Variants in NSD2 observed in about 807,000 individuals in gnomAD.
NSD2 encodes the protein histone-lysine N-methyltransferase NSD2.
In NSD2, 12 loss-of-function variants were observed where a neutral mutation model predicts 139.0. The observed-to-expected ratio is 0.09, with a 90% CI of 0.06 to 0.14. The LOEUF (loss-of-function observed/expected upper bound fraction) is 0.14, where lower values mean the gene tolerates loss of function less well. Among genes scored for constraint, NSD2 ranks in the 10% least tolerant of loss-of-function variants. The probability of loss-of-function intolerance (pLI) is 1.00; values close to 1 mark genes in which losing one functional copy is unlikely to be tolerated. For missense variants in NSD2, 1,155 were observed against 1,745.0 expected (o/e 0.66, Z 6.02); for synonymous variants, 669 against 648.7 (o/e 1.03, Z -0.48).
At chr4:1,883,694 C>T (rs758163273) in intron 1 of NSD2, among the ~76,000 whole-genome samples, 5 of 152,086 alleles carry the variant, frequency 3.3e-5, no homozygotes, top group Non-Finnish European at 7.4e-5. Flanking sequence ...TTGTTGTCCC[C>T]ATCTGCTCTC....
intron 8 of NSD2, 57 bp downstream of exon 8, chr4:1,938,589 T>TGGGGGGGG: frequency 1.9e-6 from 1 of 537,354 alleles, no homozygotes; most frequent in Non-Finnish European, 3.5e-6. Flanking sequence ...CTGGGCTGGG[T>TGGGGGGGG]GGGTGGGCTG....
In NSD2 at chr4:1,976,357, T is replaced by C; in HGVS notation, c.3622-118T>C. ...GGAGGACACTCCTCTCCTCTCCTCTTAGTGTTGGGCACCTGCAGAGATCTC... is the reference window on the plus strand; with the variant it reads ...GGAGGACACTCCTCTCCTCTCCTCTCAGTGTTGGGCACCTGCAGAGATCTC... On this transcript the variant is annotated intron_variant, in intron 20 of 21. Coordinates refer to ENST00000508803, the MANE Select transcript of NSD2 (RefSeq NM_001042424.3). This position sits in a 1 kb window ranked among gnomAD's most constrained non-coding sequence, Gnocchi z 5.3. 2.7e-6 allele frequency: 3 copies of C among 1,096,424 alleles called. No individual in the cohort carries two copies. Among genetic ancestry groups the C allele is most frequent in the Non-Finnish European group, 4.0e-6 (3 of 753,502 alleles). 67.9% of individuals were successfully genotyped at this position (1,096,424 alleles called of 1,614,324 possible).
intron 21 of NSD2, among the ~76,000 whole-genome samples, chr4:1,978,291 C>T (rs1377860055): frequency 6.6e-6 from 1 of 152,128 alleles, no homozygotes; most frequent in East Asian, 1.9e-4. Flanking sequence ...GAAAATCAGT[C>T]CCTTGGGAGA....
chr4:1,906,654 CTTTTTTTT>C lies in NSD2; in HGVS notation c.760+2293_760+2300del, dbSNP rs537619996. Among the ~76,000 whole-genome samples the C allele has an allele frequency of 2.7e-3, 265 of 99,952 alleles. 2 individuals carry two copies. The highest frequency in any genetic ancestry group is 4.2e-3 in the Non-Finnish European group (220 of 51,826). 65.6% of individuals were successfully genotyped at this position (99,952 alleles called of 152,430 possible). ...GCCATTTTTACTTCTCTCTCTCTCTCTTTTTTTTTTTTTTTTTTTTTTTTGAGACACAG... is the reference window on the plus strand; with the variant it reads ...GCCATTTTTACTTCTCTCTCTCTCTCTTTTTTTTTTTTTTTTGAGACACAG... On this transcript the variant is annotated intron_variant, in intron 3 of 21. Transcript: ENST00000508803.
chr4:1,972,312 A>AAGG lies in NSD2; in HGVS notation c.3373-2548_3373-2546dup, dbSNP rs1229253723. ...GGTACAGGCTATGTCTCAGCTGGGA[A>AAGG]AGGAGAGGCTGTGAGGGTGGAAATC... is the stretch of plus-strand genomic sequence containing the variant. On this transcript the variant is annotated intron_variant, in intron 18 of 21. Coordinates refer to ENST00000508803, the MANE Select transcript of NSD2 (RefSeq NM_001042424.3). The surrounding 1 kb of genome is among the most constrained non-coding windows in gnomAD (Gnocchi z 4.0). Among the ~76,000 whole-genome samples, 1 of 152,232 alleles carries AAGG rather than the reference A, an allele frequency of 6.6e-6. No individual in the cohort carries two copies. Among genetic ancestry groups the AAGG allele is most frequent in the Non-Finnish European group, 1.5e-5 (1 of 68,038 alleles).
At chr4:1,924,885 C>T (rs559173206) in intron 5 of NSD2, among the ~76,000 whole-genome samples, 2 of 152,282 alleles carry the variant, frequency 1.3e-5, no homozygotes, top group Non-Finnish European at 2.9e-5. Flanking sequence ...CATCATTGCG[C>T]CACTGCACTC....
chr4:1,904,408 CT>C (rs750259407), intron 3 of NSD2, 30 bp downstream of exon 3: 20 of 1,583,678 alleles, frequency 1.3e-5, no homozygotes, highest in Non-Finnish European at 1.5e-5. Flanking sequence ...GTTTTTCCAA[CT>C]TTCTCTTCTG....
At chr4:1,883,600 C>T (rs1714860444) in intron 1 of NSD2, among the ~76,000 whole-genome samples, 1 of 148,184 alleles carries the variant, frequency 6.7e-6, no homozygotes, top group South Asian at 2.1e-4. Context: ...CACTGCACTC[C>T]AACCTGGGTA....
intron 1 of NSD2, among the ~76,000 whole-genome samples, chr4:1,872,329 C>T (rs952511841): frequency 2.6e-5 from 4 of 152,170 alleles, no homozygotes; most frequent in East Asian, 1.9e-4. Context: ...GAGATGGGAC[C>T]TGGCGACTTA....
chr4:1,940,697 A>C, intron 9 of NSD2: 5 of 1,061,100 alleles, frequency 4.7e-6, no homozygotes, highest in Non-Finnish European at 5.7e-6. Context: ...TAGTGAGGCA[A>C]GGGTTGGACA....
At chr4:1,874,180 G>T (rs1004876136) in intron 1 of NSD2, among the ~76,000 whole-genome samples, 3 of 152,134 alleles carry the variant, frequency 2.0e-5, no homozygotes, top group Non-Finnish European at 4.4e-5. Context: ...TTTTTGGTGG[G>T]CTGCTCATGG....
intron 2 of NSD2, among the ~76,000 whole-genome samples, chr4:1,902,177 A>G (rs1717273942): frequency 6.6e-6 from 1 of 152,084 alleles, no homozygotes; most frequent in African/African-American, 2.4e-5. Context: ...ATTACTCAGG[A>G]GCTGTTTAGT....
chr4:1,966,030 TAC>T (rs1211633136), intron 18 of NSD2, among the ~76,000 whole-genome samples: 2 of 150,604 alleles, frequency 1.3e-5, no homozygotes, highest in Non-Finnish European at 2.9e-5. Context: ...TTTGAAGGCC[TAC>T]AGGCAGTGGG....
intron 4 of NSD2, 137 bp from the exon 5 acceptor site, chr4:1,918,004 C>A: frequency 9.4e-7 from 1 of 1,060,484 alleles, no homozygotes; most frequent in Non-Finnish European, 1.3e-6. Flanking sequence ...TGGTCTTAAA[C>A]TCCTGGCCTC....
intron 1 of NSD2, among the ~76,000 whole-genome samples, chr4:1,896,002 C>T (rs1191214029): frequency 1.3e-5 from 2 of 152,226 alleles, no homozygotes; most frequent in East Asian, 1.9e-4. Context: ...TTCTTTTCCT[C>T]CTTACTGTTT....
chr4:1,891,438 C>G (rs1216680868), intron 1 of NSD2, among the ~76,000 whole-genome samples: 1 of 152,162 alleles, frequency 6.6e-6, no homozygotes, highest in Non-Finnish European at 1.5e-5. Context: ...CACTGCTGTC[C>G]TAGGGTTGAG....
chr4:1,885,913 T>C (rs937911337), intron 1 of NSD2, among the ~76,000 whole-genome samples: 2 of 152,156 alleles, frequency 1.3e-5, no homozygotes, highest in African/African-American at 4.8e-5. Flanking sequence ...AGATGTGCAA[T>C]TTGACACATC....
At chr4:1,952,360 C>A in intron 11 of NSD2, 129 bp downstream of exon 11, 1 of 1,390,610 alleles carries the variant, frequency 7.2e-7, no homozygotes, top group Non-Finnish European at 9.7e-7. Flanking sequence ...GCCTGGCCCT[C>A]TCTGGAGCTT....
chr4:1,970,295 C>G (rs1028715364), intron 18 of NSD2, among the ~76,000 whole-genome samples: 2 of 152,184 alleles, frequency 1.3e-5, no homozygotes, highest in African/African-American at 4.8e-5. Flanking sequence ...ACAGCAGGAC[C>G]CAGTGCTCGG....
Sources: gnomAD v4.1 joint callset for allele counts (sites outside exome capture counted in the v4.1 genomes callset) on GRCh38, gnomAD v4.1.1 for gene constraint, Gnocchi (gnomAD v3.1) non-coding constraint, MANE v1.5 for transcripts, NCBI Gene and HGNC (gene_info 2026-07-23, HGNC 2026-07-21) for gene names.